EYS: variants seen among roughly 807,000 people sequenced by gnomAD.
EYS encodes protein eyes shut homolog.
In EYS, 250 loss-of-function variants were observed where a neutral mutation model predicts 282.1. The observed-to-expected ratio is 0.89, with a 90% confidence interval of 0.80 to 0.98. The LOEUF (loss-of-function observed/expected upper bound fraction) is 0.98, where lower values mean the gene tolerates loss of function less well. EYS is among the 50% of genes least tolerant of loss of function. The pLI, the probability that EYS is intolerant of heterozygous loss-of-function variation, is 0.00. For synonymous variants in EYS, 1,355 were observed against 1,282.9 expected, an observed-to-expected ratio of 1.06 and a Z score of -1.20; for missense variants, 4,016 against 3,709.0, an observed-to-expected ratio of 1.08 and a Z score of -2.15.
At chr6:64,540,003 G>T (rs546357955) in intron 26 of EYS, among the ~76,000 whole-genome samples, 6 of 152,186 alleles carry the variant, frequency 3.9e-5, no homozygotes, top group Non-Finnish European at 8.8e-5. Flanking sequence ...TACTCTGAGA[G>T]CTGAGAAGAG....
chr6:65,557,868 G>A (rs1475859968), intron 2 of EYS, among the ~76,000 whole-genome samples: 3 of 152,120 alleles, frequency 2.0e-5, no homozygotes, highest in Admixed American at 6.5e-5. Flanking sequence ...GAGGAGACCC[G>A]AAGTGGGTAG....
At chr6:64,073,669 A>G (rs914936218) in intron 32 of EYS, among the ~76,000 whole-genome samples, 4 of 151,812 alleles carry the variant, frequency 2.6e-5, no homozygotes, top group Non-Finnish European at 5.9e-5. Context: ...TTTACATTAA[A>G]CCTTATGGAT....
chr6:64,803,624 C>A (rs1764330484), intron 22 of EYS, among the ~76,000 whole-genome samples: 1 of 152,182 alleles, frequency 6.6e-6, no homozygotes. Flanking sequence ...GGCGCTCAGG[C>A]TGTTCTTGTG....
At chr6:64,310,170 T>G (rs1302625478) in intron 29 of EYS, among the ~76,000 whole-genome samples, 1 of 151,750 alleles carries the variant, frequency 6.6e-6, no homozygotes, top group Non-Finnish European at 1.5e-5. Context: ...TGGATGGCAA[T>G]GTAGCAATTC....
At chr6:63,907,990 A>T (rs1213453192) in intron 35 of EYS, among the ~76,000 whole-genome samples, 1 of 44,142 alleles carries the variant, frequency 2.3e-5, no homozygotes, top group African/African-American at 1.1e-4. Flanking sequence ...ATATATGTAC[A>T]CACACACACA....
chr6:65,288,399 G>C (rs1442373815), intron 12 of EYS, among the ~76,000 whole-genome samples: 1 of 150,422 alleles, frequency 6.6e-6, no homozygotes, highest in African/African-American at 2.4e-5. Context: ...TGGACAAAGA[G>C]GAGTCAAAGT....
intron 12 of EYS, among the ~76,000 whole-genome samples, chr6:65,182,216 TATA>T (rs1327265797): frequency 6.6e-6 from 1 of 150,424 alleles, no homozygotes; most frequent in African/African-American, 2.4e-5. Context: ...TAAAAATATA[TATA>T]ATAATAAAAT....
chr6:65,415,801 T>C (rs976034791), intron 5 of EYS, among the ~76,000 whole-genome samples: 4 of 152,038 alleles, frequency 2.6e-5, no homozygotes, highest in African/African-American at 9.7e-5. Context: ...TAATAAATGG[T>C]TGCTTAGCAT....
chr6:65,415,355 A>G (rs1286210206), intron 5 of EYS, among the ~76,000 whole-genome samples: 1 of 152,092 alleles, frequency 6.6e-6, no homozygotes, highest in Non-Finnish European at 1.5e-5. Context: ...CACATGATTC[A>G]TATGTAAATA....
chr6:64,626,841 G>C (rs551274359), intron 22 of EYS, among the ~76,000 whole-genome samples: 1 of 152,130 alleles, frequency 6.6e-6, no homozygotes, highest in Admixed American at 6.5e-5. Context: ...TTATGTTATT[G>C]CATGTATCTG....
chr6:64,965,702 A>G (rs1474780170), intron 14 of EYS, among the ~76,000 whole-genome samples: 1 of 152,118 alleles, frequency 6.6e-6, no homozygotes, highest in African/African-American at 2.4e-5. Context: ...TATACTGACC[A>G]TTCAATTGGT....
At chr6:65,474,954 G>A (rs576054667) in intron 5 of EYS, among the ~76,000 whole-genome samples, 12 of 152,178 alleles carry the variant, frequency 7.9e-5, no homozygotes, top group African/African-American at 2.9e-4. Context: ...CATTTTGGCT[G>A]AGGATAAGAA....
chr6:64,660,181 C>G (rs568680088), intron 22 of EYS, among the ~76,000 whole-genome samples: 9 of 152,296 alleles, frequency 5.9e-5, no homozygotes, highest in African/African-American at 2.2e-4. Flanking sequence ...TGACAAAATT[C>G]AACAACACTT....
intron 36 of EYS, among the ~76,000 whole-genome samples, chr6:63,850,080 A>T (rs4710446): frequency 0.49 from 73,846 of 151,912 alleles, 19,836 homozygotes; most frequent in Non-Finnish European, 0.6. Flanking sequence ...GATATCAGAG[A>T]TTGAAGATTA....
intron 2 of EYS, among the ~76,000 whole-genome samples, chr6:65,574,492 G>A (rs1764590163): frequency 6.6e-6 from 1 of 152,170 alleles, no homozygotes; most frequent in South Asian, 2.1e-4. Flanking sequence ...GCGTGTATCA[G>A]GTAAAATAAA....
chr6:64,274,936 A>G (rs1384402919), intron 30 of EYS, among the ~76,000 whole-genome samples: 2 of 152,236 alleles, frequency 1.3e-5, no homozygotes, highest in Admixed American at 6.5e-5. Flanking sequence ...TGGAACAACA[A>G]TGCCACAAAG....
chr6:64,243,517 A>G (rs1419220206), intron 30 of EYS, among the ~76,000 whole-genome samples: 1 of 152,200 alleles, frequency 6.6e-6, no homozygotes, highest in Non-Finnish European at 1.5e-5. Context: ...TTCAAATACC[A>G]GACAGGGTAA....
intron 29 of EYS, among the ~76,000 whole-genome samples, chr6:64,359,536 C>T (rs984250080): frequency 4.6e-5 from 7 of 151,792 alleles, no homozygotes; most frequent in Middle Eastern, 3.4e-3. Context: ...TAGTCCTTAT[C>T]TCAGTTCTTC....
chr6:64,238,874 G>A (rs1308134308), intron 30 of EYS, among the ~76,000 whole-genome samples: 2 of 152,052 alleles, frequency 1.3e-5, no homozygotes, highest in Non-Finnish European at 2.9e-5. Context: ...TCTACATTAG[G>A]CATTTCTCCT....
Sources: allele counts gnomAD v4.1 joint callset (sites outside exome capture counted in the v4.1 genomes callset), GRCh38; gene constraint gnomAD v4.1.1; transcripts MANE v1.5; gene names NCBI Gene and HGNC (gene_info 2026-07-23, HGNC 2026-07-21).